SIPA1L2: variants seen among roughly 807,000 people sequenced by gnomAD.
SIPA1L2 encodes signal-induced proliferation-associated 1-like protein 2.
SIPA1L2 carries 56 observed loss-of-function variants against 163.9 expected under a neutral mutation model. The observed-to-expected ratio is 0.34, with a 90% confidence interval of 0.28 to 0.43. The LOEUF is 0.43. SIPA1L2 is among the 20% of genes least tolerant of loss of function. SIPA1L2 has a pLI of 1.00. For missense variants in SIPA1L2, 1,974 were observed against 2,193.5 expected, an observed-to-expected ratio of 0.90 and a Z score of 2.00; for synonymous variants, 877 against 865.7, an observed-to-expected ratio of 1.01 and a Z score of -0.23.
At position 232,478,849 on chromosome 1, in the gene SIPA1L2, CCAG is replaced by C. The variant is rs370552443; in HGVS notation, c.2085+775_2085+777del. Among the ~76,000 whole-genome samples, 388 of 152,324 alleles carry C rather than the reference CCAG, an allele frequency of 2.5e-3. 3 individuals carry two copies. The highest frequency in any genetic ancestry group is 8.8e-3 in the African/African-American group (367 of 41,564). On this transcript the variant is annotated intron_variant, in intron 7 of 22. Transcript: ENST00000674635. The stretch of plus-strand genomic sequence containing the variant: ...ATCTTCAGCTTAACATGGGCAGAGC[CCAG>C]AAGATTCTAAACAAGATGTGAAATG...
At chr1:232,528,004 T>C (rs949843825) in intron 2 of SIPA1L2, among the ~76,000 whole-genome samples, 1 of 149,516 alleles carries the variant, frequency 6.7e-6, no homozygotes, top group Non-Finnish European at 1.5e-5. Flanking sequence ...GCAGAAACTG[T>C]GGTTATCACA....
chr1:232,574,722 C>G (rs571577526), intron 1 of SIPA1L2, among the ~76,000 whole-genome samples: 1 of 152,214 alleles, frequency 6.6e-6, no homozygotes, highest in African/African-American at 2.4e-5. Flanking sequence ...TTTTTAAGAA[C>G]GTCAAAGGAA....
chr1:232,402,371 T>G lies in SIPA1L2; in HGVS notation c.5022+21A>C, dbSNP rs763855194. Reference sequence around the variant, plus strand: ...ATTTTATAAGAGAAACAGTTCTGATTATGCTCTTCCAATTGATTACCTTCC... The same window carrying G: ...ATTTTATAAGAGAAACAGTTCTGATGATGCTCTTCCAATTGATTACCTTCC... On this transcript the variant is annotated intron_variant, in intron 22 of 22. Transcript: ENST00000674635. The G allele has an allele frequency of 1.4e-5, 22 of 1,605,756 alleles. No homozygotes were observed. In the South Asian group the frequency reaches 2.4e-4, roughly 18 times the overall value.
At chr1:232,499,338 A>G (rs1666351728) in intron 3 of SIPA1L2, among the ~76,000 whole-genome samples, 1 of 152,258 alleles carries the variant, frequency 6.6e-6, no homozygotes, top group Admixed American at 6.5e-5. Flanking sequence ...GAAAGAAAGT[A>G]AAAGTGCCAC....
intron 1 of SIPA1L2, among the ~76,000 whole-genome samples, chr1:232,575,964 T>G (rs1660055275): frequency 6.6e-6 from 1 of 152,202 alleles, no homozygotes; most frequent in South Asian, 2.1e-4. Flanking sequence ...ATGAGGTATG[T>G]AGAGTAAGTC....
At chr1:232,616,955 T>C (rs968004455) in intron 1 of SIPA1L2, among the ~76,000 whole-genome samples, 6 of 152,228 alleles carry the variant, frequency 3.9e-5, no homozygotes, top group African/African-American at 1.2e-4. Flanking sequence ...GCATAAGTGA[T>C]TGAAAATCTG....
At chr1:232,441,490 G>C (rs1331481220) in intron 13 of SIPA1L2, 96 bp from the exon 14 acceptor site, 5 of 1,024,704 alleles carry the variant, frequency 4.9e-6, no homozygotes, top group Non-Finnish European at 7.4e-6. Flanking sequence ...TGGTAAACAT[G>C]AACAGGCTTG....
At chr1:232,448,765 A>G (rs1663367196) in intron 10 of SIPA1L2, among the ~76,000 whole-genome samples, 1 of 152,216 alleles carries the variant, frequency 6.6e-6, no homozygotes, top group Non-Finnish European at 1.5e-5. Flanking sequence ...AGATTTAGGC[A>G]TAAAAGTTAC....
At chr1:232,489,352 A>C (rs1665811899) in intron 5 of SIPA1L2, among the ~76,000 whole-genome samples, 1 of 152,216 alleles carries the variant, frequency 6.6e-6, no homozygotes, top group African/African-American at 2.4e-5. Flanking sequence ...GTTTTCATCA[A>C]CTGTTTCATG....
Position 232,459,369 on chromosome 1 carries a change from A to C in SIPA1L2, c.3095+1518T>G, listed in dbSNP as rs564136326. Among the ~76,000 whole-genome samples, 46 of 152,352 alleles carry C rather than the reference A, an allele frequency of 3.0e-4. No homozygotes were observed. The South Asian group carries it at 9.5e-3, about 32-fold the overall frequency. ...GTGCTAATGGAGAGTGCTGGCTTAA[A>C]GGAGGAAGAAAGGAAACAGAGAAAG... On this transcript the variant is annotated intron_variant, in intron 10 of 22. Transcript: ENST00000674635.
At chr1:232,403,668 C>T in intron 20 of SIPA1L2, 97 bp from the exon 21 acceptor site, 4 of 1,446,418 alleles carry the variant, frequency 2.8e-6, no homozygotes, top group Non-Finnish European at 3.7e-6. Flanking sequence ...AAATCTTTTC[C>T]CCCCTTCAAA....
At chr1:232,534,035 A>G (rs78328845) in intron 2 of SIPA1L2, among the ~76,000 whole-genome samples, 9,278 of 152,238 alleles carry the variant, frequency 0.061, 373 homozygotes, top group Non-Finnish European at 0.092. Context: ...AGAAAAAAAA[A>G]CTATCCTAAA....
intron 2 of SIPA1L2, among the ~76,000 whole-genome samples, 69 bp downstream of exon 2, chr1:232,574,105 G>A (rs1558278898): frequency 6.6e-6 from 1 of 151,970 alleles, no homozygotes; most frequent in Non-Finnish European, 1.5e-5. Context: ...AAAATTAGTG[G>A]GACACAAAAC....
chr1:232,588,703 G>A (rs1216006782), intron 1 of SIPA1L2, among the ~76,000 whole-genome samples: 1 of 152,166 alleles, frequency 6.6e-6, no homozygotes, highest in Non-Finnish European at 1.5e-5. Context: ...GTTTTCTTTG[G>A]TTGGATGGCA....
intron 3 of SIPA1L2, among the ~76,000 whole-genome samples, chr1:232,497,165 G>A (rs1666237044): frequency 6.6e-6 from 1 of 152,190 alleles, no homozygotes; most frequent in African/African-American, 2.4e-5. Context: ...GGCTGGAAGG[G>A]AGAGCAAAGG....
At position 232,441,857 on chromosome 1, in the gene SIPA1L2, G is replaced by A. The variant is rs756295326; in HGVS notation, c.3449C>T (p.Pro1150Leu). The A allele has an allele frequency of 1.9e-6, 3 of 1,612,298 alleles. No homozygotes were observed. The South Asian group carries it at 3.3e-5, about 18-fold the overall frequency. ...TGAGCCCTGGTGTTCGAGCAGTAGA[G>A]GGGACTGGCACCTGAAAAGAACACA... Reference protein sequence around the residue: ...PQVGYDGCQSPLLLEHQGSGP... With the variant: ...PQVGYDGCQSLLLLEHQGSGP... Residue 1150 changes from proline to leucine, a missense_variant, in exon 13 of 23, where the codon CCT becomes CTT. Transcript: ENST00000674635.
intron 7 of SIPA1L2, among the ~76,000 whole-genome samples, chr1:232,473,995 C>T (rs2102952573): frequency 6.6e-6 from 1 of 152,236 alleles, no homozygotes; most frequent in East Asian, 1.9e-4. Flanking sequence ...TCTTGAACTT[C>T]TTAAAGGCAA....
chr1:232,595,550 TC>T (rs968545802), intron 1 of SIPA1L2, among the ~76,000 whole-genome samples: 1 of 151,890 alleles, frequency 6.6e-6, no homozygotes, highest in Non-Finnish European at 1.5e-5. Context: ...GTCCGGACGT[TC>T]CCCCCAGCAC....
chr1:232,553,451 C>T (rs552165464), intron 2 of SIPA1L2, among the ~76,000 whole-genome samples: 4 of 152,088 alleles, frequency 2.6e-5, no homozygotes, highest in Non-Finnish European at 5.9e-5. Flanking sequence ...CACTTAGGGC[C>T]GTGGATTTCC....
Sources: gnomAD v4.1 joint callset for allele counts (sites outside exome capture counted in the v4.1 genomes callset) on GRCh38, gnomAD v4.1.1 for gene constraint, MANE v1.5 for transcripts, NCBI Gene and HGNC (gene_info 2026-07-23, HGNC 2026-07-21) for gene names.